The following DIP2B variants were observed in gnomAD, a reference collection of about 807,000 sequenced individuals.
The protein encoded by DIP2B is DIP2 acetate--CoA ligase B (putative), also known as disco-interacting protein 2 homolog B.
Under a neutral mutation model 198.0 loss-of-function variants are expected in DIP2B, and 76 were observed. That is an observed-to-expected ratio of 0.38 (90% CI 0.32 to 0.46). The LOEUF (loss-of-function observed/expected upper bound fraction) is 0.46, where lower values mean the gene tolerates loss of function less well. Among genes scored for constraint, DIP2B ranks in the 20% least tolerant of loss-of-function variants. The probability of loss-of-function intolerance (pLI) is 0.99; values close to 1 mark genes in which losing one functional copy is unlikely to be tolerated. For missense variants in DIP2B, 1,559 were observed against 1,978.4 expected, an observed-to-expected ratio of 0.79 and a Z score of 4.02; for synonymous variants, 701 against 739.1, an observed-to-expected ratio of 0.95 and a Z score of 0.84.
At chr12:50,730,745 T>A (rs1255096137) in intron 30 of DIP2B, among the ~76,000 whole-genome samples, 2 of 152,200 alleles carry the variant, frequency 1.3e-5, no homozygotes, top group Non-Finnish European at 2.9e-5. Flanking sequence ...TCGGCCTTTG[T>A]AAATGTTGTT....
At chr12:50,639,433 C>T (rs554944708) in intron 2 of DIP2B, among the ~76,000 whole-genome samples, 1 of 152,118 alleles carries the variant, frequency 6.6e-6, no homozygotes, top group African/African-American at 2.4e-5. Flanking sequence ...AGAGCCTCAA[C>T]ACATGGCCTT....
rs532840712 is a variant in DIP2B, at chr12:50,585,943, A to G, written c.101-40033A>G. Reference sequence around the variant, plus strand: ...AATCAAGGATCTTATCTGTCTGTTCACTGGAGTTCTTGATACCTAGCATAG... The same window carrying G: ...AATCAAGGATCTTATCTGTCTGTTCGCTGGAGTTCTTGATACCTAGCATAG... On this transcript the variant is annotated intron_variant, in intron 1 of 37. Transcript: ENST00000301180. Among the ~76,000 whole-genome samples, 18 of 152,328 alleles carry G rather than the reference A, an allele frequency of 1.2e-4. No individual in the cohort carries two copies. The East Asian group carries it at 3.1e-3, about 26-fold the overall frequency.
intron 3 of DIP2B, among the ~76,000 whole-genome samples, chr12:50,650,965 A>G (rs1938442138): frequency 1.3e-5 from 2 of 152,158 alleles, no homozygotes; most frequent in African/African-American, 4.8e-5. Flanking sequence ...ATCCTCTTCA[A>G]CACGTATTTT....
At chr12:50,634,109 C>T (rs1413325650) in intron 2 of DIP2B, among the ~76,000 whole-genome samples, 1 of 152,144 alleles carries the variant, frequency 6.6e-6, no homozygotes, top group African/African-American at 2.4e-5. Context: ...AGGAATGGCC[C>T]ACAGAACATC....
At chr12:50,571,095 A>T (rs1401714991) in intron 1 of DIP2B, among the ~76,000 whole-genome samples, 3 of 152,128 alleles carry the variant, frequency 2.0e-5, no homozygotes, top group Admixed American at 2.0e-4. Flanking sequence ...ATGCCATCGC[A>T]ATGTAGTGGA....
intron 23 of DIP2B, among the ~76,000 whole-genome samples, chr12:50,716,788 T>C (rs1939725833): frequency 6.6e-6 from 1 of 152,090 alleles, no homozygotes. Context: ...CTTTTTGCCA[T>C]CTTCTTAGTT....
At chr12:50,699,004 C>T in intron 18 of DIP2B, 62 bp from the exon 19 acceptor site, 1 of 1,583,912 alleles carries the variant, frequency 6.3e-7, no homozygotes, top group South Asian at 1.2e-5. Context: ...CAGGATGAAG[C>T]TGTTATTTTA....
intron 1 of DIP2B, among the ~76,000 whole-genome samples, chr12:50,541,207 A>G (rs527359259): frequency 6.6e-6 from 1 of 152,178 alleles, no homozygotes; most frequent in Non-Finnish European, 1.5e-5. Context: ...TGACAAGGCC[A>G]TATGTATCAA....
intron 1 of DIP2B, among the ~76,000 whole-genome samples, chr12:50,577,986 G>C (rs1958678826): frequency 6.6e-6 from 1 of 152,164 alleles, no homozygotes; most frequent in African/African-American, 2.4e-5. Context: ...TTTTCATACT[G>C]TGTTACATTT....
intron 1 of DIP2B, among the ~76,000 whole-genome samples, chr12:50,567,634 TCTC>T (rs1349985799): frequency 6.6e-6 from 1 of 152,120 alleles, no homozygotes; most frequent in East Asian, 1.9e-4. Flanking sequence ...TTCAAGCAAT[TCTC>T]CTGCTTCAGC....
chr12:50,690,239 A>C (rs944640907), intron 12 of DIP2B, among the ~76,000 whole-genome samples: 11 of 152,074 alleles, frequency 7.2e-5, no homozygotes, highest in Non-Finnish European at 1.0e-4. Flanking sequence ...GGCGCCCGCC[A>C]CTACGCCCGG....
At chr12:50,511,583 A>G (rs1389800962) in intron 1 of DIP2B, among the ~76,000 whole-genome samples, 1 of 151,656 alleles carries the variant, frequency 6.6e-6, no homozygotes, top group Non-Finnish European at 1.5e-5. Context: ...ATGAGCCACC[A>G]GGCCGGGCCA....
chr12:50,645,074 A>T (rs1938326928), intron 3 of DIP2B, among the ~76,000 whole-genome samples: 1 of 152,212 alleles, frequency 6.6e-6, no homozygotes, highest in Non-Finnish European at 1.5e-5. Flanking sequence ...CCATAGATTC[A>T]ATTAAATATG....
At position 50,525,513 on chromosome 12, in the gene DIP2B, C is replaced by CTT. The variant is rs747688876; in HGVS notation, c.100+20289_100+20290dup. ...ATGCATGTTGCTGCCTCTAGGTCCCCTTTTTTTTTTTTTTTTTGAGACAGA... is the reference window on the plus strand; with the variant it reads ...ATGCATGTTGCTGCCTCTAGGTCCCCTTTTTTTTTTTTTTTTTTTGAGACAGA... On this transcript the variant is annotated intron_variant, in intron 1 of 37. Transcript: ENST00000301180. Among the ~76,000 whole-genome samples the CTT allele has an allele frequency of 7.2e-3, 999 of 139,332 alleles. 25 individuals are homozygous for CTT. Among genetic ancestry groups the CTT allele is most frequent in the African/African-American group, 0.024 (899 of 37,784 alleles). The allele number at this position is 139,332 out of a possible 152,430, so 91.4% of individuals were successfully genotyped here.
chr12:50,527,930 GTT>G (rs537283926), intron 1 of DIP2B, among the ~76,000 whole-genome samples: 5 of 141,466 alleles, frequency 3.5e-5, no homozygotes, highest in Admixed American at 7.1e-5. Flanking sequence ...AATTCCTTCT[GTT>G]TTTTTTTTTT....
chr12:50,692,847 GCAAA>G, intron 13 of DIP2B, 98 bp from the exon 14 acceptor site: 6 of 1,027,426 alleles, frequency 5.8e-6, no homozygotes, highest in Non-Finnish European at 8.7e-6. Context: ...AAAAGAAAAA[GCAAA>G]CAAACATCAA....
At chr12:50,551,318 C>T (rs940405500) in intron 1 of DIP2B, among the ~76,000 whole-genome samples, 2 of 151,918 alleles carry the variant, frequency 1.3e-5, no homozygotes, top group Admixed American at 6.6e-5. Flanking sequence ...CAGCTACTGG[C>T]GGGCTGAGGC....
chr12:50,741,463 G>T lies in DIP2B; in HGVS notation c.4402G>T (p.Glu1468Ter), dbSNP rs370513906. 6.2e-7 allele frequency: 1 copy of T among 1,614,038 alleles called. No individual in the cohort carries two copies. Among genetic ancestry groups the T allele is most frequent in the Non-Finnish European group, 8.5e-7 (1 of 1,180,040 alleles). ...GGTGGGAGCGCTGGATGAAACACTG[G>T]AGCTGAGAGGATTACGATACCACCC... ...YVVGALDETL[E>*]LRGLRYHPID... is the part of the protein sequence containing the mutation. The change falls in exon 37 of 38, where the codon GAG becomes TAG. Residue 1468 changes from glutamate (E) to a stop codon, truncating the protein, a stop_gained. Coordinates refer to ENST00000301180, the MANE Select transcript of DIP2B (RefSeq NM_173602.3). LOFTEE classifies it high-confidence loss of function.
chr12:50,593,707 C>CTCCTCTCCTCTCCT (rs1958841226), intron 1 of DIP2B, among the ~76,000 whole-genome samples: 1 of 27,380 alleles, frequency 3.7e-5, no homozygotes, highest in Non-Finnish European at 6.1e-5. Context: ...TCTCCTCTCC[C>CTCCTCTCCTCTCCT]CTCCTCTCCT....
Sources: allele counts gnomAD v4.1 joint callset (sites outside exome capture counted in the v4.1 genomes callset), GRCh38; gene constraint gnomAD v4.1.1; transcripts MANE v1.5; gene names NCBI Gene and HGNC (gene_info 2026-07-23, HGNC 2026-07-21).